The following AHCY variants were observed in gnomAD, a reference collection of about 807,000 sequenced individuals.
The protein encoded by AHCY is S-adenosyl-L-homocysteine hydrolase.
Under a neutral mutation model 45.4 loss-of-function variants are expected in AHCY, and 24 were observed. The observed-to-expected ratio is 0.53, with a 90% CI of 0.38 to 0.74. AHCY has a LOEUF of 0.74. AHCY is among the 30% of genes least tolerant of loss of function. The pLI is 0.00. For synonymous variants in AHCY, 245 were observed against 235.1 expected (o/e 1.04, Z -0.39); for missense variants, 449 against 594.1 (o/e 0.76, Z 2.54).
intron 1 of AHCY, among the ~76,000 whole-genome samples, chr20:34,298,133 G>A (rs951369771): frequency 7.9e-5 from 12 of 151,600 alleles, no homozygotes; most frequent in African/African-American, 2.7e-4. Flanking sequence ...AGTGAGACTC[G>A]GTCTCAAAAA....
chr20:34,279,288 G>GC (rs778261618), downstream of AHCY, among the ~76,000 whole-genome samples: 45 of 150,218 alleles, frequency 3.0e-4, no homozygotes, highest in Non-Finnish European at 5.8e-4. Context: ...GGGCGTGGTG[G>GC]CGGGTGCCTG....
chr20:34,284,242 C>A (rs2036097371), intron 9 of AHCY, among the ~76,000 whole-genome samples: 1 of 152,130 alleles, frequency 6.6e-6, no homozygotes, highest in Non-Finnish European at 1.5e-5. Flanking sequence ...TCACTGCAAC[C>A]TCCACCTCCT....
At chr20:34,300,592 GA>G (rs967606469) in intron 1 of AHCY, among the ~76,000 whole-genome samples, 23 of 152,228 alleles carry the variant, frequency 1.5e-4, no homozygotes, top group African/African-American at 5.5e-4. Context: ...AGTAGGTGCT[GA>G]AAAAAACCTG....
the AHCY span, among the ~76,000 whole-genome samples, chr20:34,245,634 C>T: frequency 2.6e-5 from 4 of 151,956 alleles, no homozygotes; most frequent in East Asian, 7.8e-4. Context: ...CATGATCCAC[C>T]CGCCTTGGCC....
chr20:34,271,262 C>T, the AHCY span, among the ~76,000 whole-genome samples: 1 of 152,068 alleles, frequency 6.6e-6, no homozygotes, highest in African/African-American at 2.4e-5. Context: ...TTTCAGAATT[C>T]CTCCTCAAGC....
intron 1 of AHCY, among the ~76,000 whole-genome samples, chr20:34,310,174 C>T (rs1387592969): frequency 1.3e-5 from 2 of 152,110 alleles, no homozygotes; most frequent in East Asian, 3.9e-4. Flanking sequence ...CTGCCTCAGC[C>T]TCCCAAGTAG....
the AHCY span, among the ~76,000 whole-genome samples, chr20:34,253,771 A>T: frequency 2.0e-5 from 3 of 151,890 alleles, no homozygotes; most frequent in Non-Finnish European, 4.4e-5. Flanking sequence ...GGCCCTTAAA[A>T]CTGAGAAAGC....
At chr20:34,289,046 C>T (rs1283184178) in intron 8 of AHCY, among the ~76,000 whole-genome samples, 13 of 152,138 alleles carry the variant, frequency 8.5e-5, no homozygotes, top group Non-Finnish European at 1.5e-4. Flanking sequence ...CTCTGTTGCC[C>T]AGGCTGGAGT....
chr20:34,246,635 T>C, the AHCY span: 1 of 591,490 alleles, frequency 1.7e-6, no homozygotes, highest in Non-Finnish European at 3.1e-6. Context: ...TTTTTGTATT[T>C]TTGGTAGAGA....
the AHCY span, among the ~76,000 whole-genome samples, chr20:34,268,564 T>C: frequency 6.6e-6 from 1 of 151,356 alleles, no homozygotes; most frequent in Non-Finnish European, 1.5e-5. Context: ...TATAAAAACA[T>C]AGAAAATAAA....
chr20:34,234,553 T>C, the AHCY span, among the ~76,000 whole-genome samples: 2 of 152,058 alleles, frequency 1.3e-5, no homozygotes, highest in African/African-American at 2.4e-5. Context: ...TTCCTCACTC[T>C]GTTGCCCAAG....
chr20:34,293,177 G>A (rs1247377321), intron 3 of AHCY, among the ~76,000 whole-genome samples: 1 of 152,060 alleles, frequency 6.6e-6, no homozygotes, highest in East Asian at 1.9e-4. Flanking sequence ...ATCACTTACA[G>A]ATGCCCAGAG....
upstream of AHCY, among the ~76,000 whole-genome samples, chr20:34,306,334 G>T (rs1469526862): frequency 6.6e-6 from 1 of 150,856 alleles, no homozygotes; most frequent in African/African-American, 2.4e-5. Context: ...TGGATATATT[G>T]CAATTGATAT....
chr20:34,287,518 G>A (rs1391470594), intron 8 of AHCY, among the ~76,000 whole-genome samples: 3 of 151,454 alleles, frequency 2.0e-5, no homozygotes, highest in African/African-American at 7.3e-5. Context: ...AGCCTCCAGA[G>A]TAGCTGGGAC....
the AHCY span, among the ~76,000 whole-genome samples, chr20:34,259,058 A>T: frequency 2.7e-4 from 41 of 150,548 alleles, no homozygotes; most frequent in African/African-American, 6.6e-4. Context: ...ATTTTTTTTT[A>T]AATTAGCCAG....
chr20:34,274,432 C>G, the AHCY span, among the ~76,000 whole-genome samples: 1 of 152,150 alleles, frequency 6.6e-6, no homozygotes, highest in Non-Finnish European at 1.5e-5. Context: ...AGAGGGGACT[C>G]TGCCTGCGTA....
At chr20:34,284,516 A>T (rs1432239977) in intron 9 of AHCY, among the ~76,000 whole-genome samples, 1 of 152,178 alleles carries the variant, frequency 6.6e-6, no homozygotes, top group Admixed American at 6.5e-5. Context: ...GACTGCACTC[A>T]GCTTATACAC....
upstream of AHCY, among the ~76,000 whole-genome samples, chr20:34,307,460 C>G (rs1184260321): frequency 6.6e-6 from 1 of 151,932 alleles, no homozygotes; most frequent in Non-Finnish European, 1.5e-5. Flanking sequence ...GCAACCTCCT[C>G]CTCCCAAGTT....
chr20:34,301,157 T>C (rs1241016273), intron 1 of AHCY, among the ~76,000 whole-genome samples: 1 of 152,120 alleles, frequency 6.6e-6, no homozygotes, highest in Non-Finnish European at 1.5e-5. Context: ...GCAGGTTCCA[T>C]AGCCAATTAA....
Sources: gnomAD v4.1 joint callset for allele counts (sites outside exome capture counted in the v4.1 genomes callset) on GRCh38, gnomAD v4.1.1 for gene constraint, MANE v1.5 for transcripts, NCBI Gene and HGNC (gene_info 2026-07-23, HGNC 2026-07-21) for gene names.